The following OLA1 variants were observed in gnomAD, a reference collection of about 807,000 sequenced individuals.
The protein encoded by OLA1 is obg-like ATPase 1.
Under a neutral mutation model 48.4 loss-of-function variants are expected in OLA1, and 14 were observed. The observed-to-expected ratio is 0.29, with a 90% CI of 0.19 to 0.45. The LOEUF (loss-of-function observed/expected upper bound fraction) is 0.45. Ranked by LOEUF, OLA1 falls within the 20% of genes least tolerant of loss-of-function variation. The pLI is 1.00. For missense variants in OLA1, 325 were observed against 467.1 expected (o/e 0.70, Z 2.80); for synonymous variants, 127 against 150.4 (o/e 0.84, Z 1.14).
At chr2:174,211,471 A>AATCATCCT (rs1688242633) in intron 4 of OLA1, among the ~76,000 whole-genome samples, 1 of 152,174 alleles carries the variant, frequency 6.6e-6, no homozygotes, top group Non-Finnish European at 1.5e-5. Context: ...TCTAAGCCAA[A>AATCATCCT]ATCATCCTAT....
intron 5 of OLA1, among the ~76,000 whole-genome samples, chr2:174,133,760 A>T (rs1292542536): frequency 6.6e-6 from 1 of 151,586 alleles, no homozygotes; most frequent in South Asian, 2.1e-4. Context: ...CCAATCTGAC[A>T]TTCTTTGTCT....
intron 2 of OLA1, among the ~76,000 whole-genome samples, chr2:174,235,822 C>T (rs1468149829): frequency 6.6e-6 from 1 of 152,116 alleles, no homozygotes; most frequent in Non-Finnish European, 1.5e-5. Flanking sequence ...CACTACAAGT[C>T]CAGGGAAAGA....
chr2:174,174,782 T>C (rs1469854060), intron 4 of OLA1, among the ~76,000 whole-genome samples: 2 of 151,972 alleles, frequency 1.3e-5, no homozygotes, highest in African/African-American at 4.8e-5. Flanking sequence ...CTTAAATTTA[T>C]ACAGAAATGC....
At chr2:174,154,161 A>G (rs901744949) in intron 4 of OLA1, among the ~76,000 whole-genome samples, 1 of 152,118 alleles carries the variant, frequency 6.6e-6, no homozygotes, top group Admixed American at 6.5e-5. Flanking sequence ...GAGCTGCTGC[A>G]CTCAGCCAAT....
chr2:174,156,897 C>T (rs188560284), intron 4 of OLA1, among the ~76,000 whole-genome samples: 119 of 151,870 alleles, frequency 7.8e-4, no homozygotes, highest in African/African-American at 2.3e-3. Flanking sequence ...CTACCACACT[C>T]TTTAAATGAT....
intron 7 of OLA1, among the ~76,000 whole-genome samples, chr2:174,110,948 G>C (rs1219362520): frequency 6.6e-6 from 1 of 152,078 alleles, no homozygotes; most frequent in Non-Finnish European, 1.5e-5. Context: ...AATTACAACT[G>C]CCAGGAACTA....
chr2:174,121,078 T>C (rs1466428037), intron 7 of OLA1, among the ~76,000 whole-genome samples: 1 of 152,206 alleles, frequency 6.6e-6, no homozygotes, highest in Non-Finnish European at 1.5e-5. Flanking sequence ...GTAGTTAAAA[T>C]GGATTTTAAC....
In OLA1 at chr2:174,081,159, G is replaced by A. The variant is rs369856909; in HGVS notation, c.959C>T (p.Thr320Ile). ...AATAAGTATGAATCTTACCCTGATG[G>A]TCCATGCACGCACTTCATCTGGGCC... The part of the protein sequence containing the change: ...TAGPDEVRAW[T>I]IRKGTKAPQA... Residue 320 changes from threonine (T) to isoleucine (I), a missense_variant, in exon 9 of 11, where the codon ACC becomes ATC. Physicochemically the swap from Thr to Ile is moderately conservative, Grantham distance 89. Coordinates refer to ENST00000284719, the MANE Select transcript of OLA1 (RefSeq NM_013341.5). 2.1e-5 allele frequency: 34 copies of A among 1,610,484 alleles called. No homozygotes were observed. The South Asian group carries it at 3.3e-4, about 16-fold the overall frequency.
intron 7 of OLA1, among the ~76,000 whole-genome samples, chr2:174,090,648 T>C (rs1246150225): frequency 6.6e-6 from 1 of 152,198 alleles, no homozygotes; most frequent in Non-Finnish European, 1.5e-5. Flanking sequence ...CTTGGAACTC[T>C]AGTGGCCATT....
rs146786702 is a variant in OLA1 at position 174,191,196 on chromosome 2, C to T, written c.373+31837G>A. Among the ~76,000 whole-genome samples the T allele has an allele frequency of 1.2e-3, 184 of 151,940 alleles. 1 individual carries two copies. Among genetic ancestry groups the T allele is most frequent in the East Asian group, 8.9e-3 (46 of 5,178 alleles). ...AGCCAATCCACAACGTATACATATACGAAAACATCATGTTGTACAACATAA... is the reference window on the plus strand; with the variant it reads ...AGCCAATCCACAACGTATACATATATGAAAACATCATGTTGTACAACATAA... On this transcript the variant is annotated intron_variant, in intron 4 of 10. Coordinates refer to ENST00000284719, the MANE Select transcript of OLA1 (RefSeq NM_013341.5).
intron 7 of OLA1, among the ~76,000 whole-genome samples, chr2:174,084,293 T>C (rs989349052): frequency 2.3e-4 from 35 of 152,200 alleles, no homozygotes; most frequent in African/African-American, 8.4e-4. Flanking sequence ...TCAGACCTGC[T>C]ATAGCCTCAC....
At position 174,075,494 on chromosome 2, in the gene OLA1, A is replaced by T; in HGVS notation, c.1123T>A (p.Tyr375Asn). The change falls in exon 11 of 11, where the codon TAT becomes AAT. Residue 375 changes from tyrosine to asparagine, a missense_variant. Tyr to Asn is a moderately radical substitution (Grantham distance 143). Coordinates refer to ENST00000284719, the MANE Select transcript of OLA1 (RefSeq NM_013341.5). ...ATAATATCTCCATCTTCAACAATATAATTTCTGCCTTGTTGTCTGTACTTT... is the reference window on the plus strand; with the variant it reads ...ATAATATCTCCATCTTCAACAATATTATTTCTGCCTTGTTGTCTGTACTTT... ...AGKYRQQGRNYIVEDGDIIFF... is the reference protein window; with the variant it reads ...AGKYRQQGRNNIVEDGDIIFF... 45 of 1,611,040 alleles carry T rather than the reference A, an allele frequency of 2.8e-5. No individual in the cohort carries two copies. Among genetic ancestry groups the T allele is most frequent in the Non-Finnish European group, 3.6e-5 (42 of 1,177,666 alleles).
At chr2:174,145,688 G>A (rs1278421093) in intron 4 of OLA1, among the ~76,000 whole-genome samples, 4 of 152,118 alleles carry the variant, frequency 2.6e-5, no homozygotes, top group African/African-American at 7.2e-5. Context: ...ATTTTGACAT[G>A]TGATACTAAT....
At chr2:174,132,720 T>C (rs1347134837) in intron 5 of OLA1, among the ~76,000 whole-genome samples, 1 of 152,194 alleles carries the variant, frequency 6.6e-6, no homozygotes, top group African/African-American at 2.4e-5. Context: ...ATGACTTCAA[T>C]AATTTGAAAT....
chr2:174,136,380 A>C (rs1261381735), intron 5 of OLA1, among the ~76,000 whole-genome samples: 1 of 152,254 alleles, frequency 6.6e-6, no homozygotes. Context: ...TTTCAACAAT[A>C]TTCACAGCAT....
chr2:174,148,778 A>G (rs1018707900), intron 4 of OLA1, among the ~76,000 whole-genome samples: 2 of 152,088 alleles, frequency 1.3e-5, no homozygotes, highest in African/African-American at 2.4e-5. Context: ...AAAATAGACA[A>G]CATCACCCCT....
intron 4 of OLA1, among the ~76,000 whole-genome samples, chr2:174,173,382 T>C (rs2105407668): frequency 6.6e-6 from 1 of 152,344 alleles, no homozygotes; most frequent in Non-Finnish European, 1.5e-5. Context: ...CTATACGGCG[T>C]GAGGTTTTTA....
chr2:174,166,808 C>T (rs1389167240), intron 4 of OLA1, among the ~76,000 whole-genome samples: 1 of 152,140 alleles, frequency 6.6e-6, no homozygotes, highest in African/African-American at 2.4e-5. Context: ...ATTTACCCAA[C>T]TACTACTCCA....
chr2:174,143,060 C>T (rs1394329734), intron 4 of OLA1, among the ~76,000 whole-genome samples: 3 of 151,996 alleles, frequency 2.0e-5, no homozygotes, highest in Non-Finnish European at 4.4e-5. Flanking sequence ...ATACCAAAAA[C>T]CAAGATACTC....
Sources: gnomAD v4.1 joint callset for allele counts (sites outside exome capture counted in the v4.1 genomes callset) on GRCh38, gnomAD v4.1.1 for gene constraint, MANE v1.5 for transcripts, NCBI Gene and HGNC (gene_info 2026-07-23, HGNC 2026-07-21) for gene names.